The following HDAC9 variants were observed in gnomAD, a reference collection of about 807,000 sequenced individuals.
HDAC9 encodes MEF-2 interacting transcription repressor (MITR) protein.
A neutral mutation model predicts 139.4 loss-of-function variants in HDAC9; 41 were observed. The ratio of observed to expected loss-of-function variants is 0.29; its 90% confidence interval spans 0.23 to 0.38. The LOEUF (loss-of-function observed/expected upper bound fraction) is 0.38, where lower values mean the gene tolerates loss of function less well. Among genes scored for constraint, HDAC9 ranks in the 10% least tolerant of loss-of-function variants. The probability of loss-of-function intolerance (pLI) is 1.00; values close to 1 mark genes in which losing one functional copy is unlikely to be tolerated. For synonymous variants in HDAC9, 517 were observed against 476.2 expected (o/e 1.09, Z -1.12); for missense variants, 1,147 against 1,297.0 (o/e 0.88, Z 1.78).
chr7:18,410,993 G>A (rs892710018), intron 1 of HDAC9, among the ~76,000 whole-genome samples: 1 of 152,296 alleles, frequency 6.6e-6, no homozygotes, highest in East Asian at 1.9e-4. Context: ...TCAAAGCCTA[G>A]TTTTGGAAAT....
intron 22 of HDAC9, among the ~76,000 whole-genome samples, chr7:18,931,279 C>T (rs182048500): frequency 1.1e-3 from 168 of 152,156 alleles, no homozygotes; most frequent in Middle Eastern, 0.01. Flanking sequence ...GAATGTTTAT[C>T]ATTCTTTTTA....
intron 4 of HDAC9, 86 bp from the exon 5 acceptor site, chr7:18,591,430 C>G: frequency 6.9e-7 from 1 of 1,448,964 alleles, no homozygotes; most frequent in Non-Finnish European, 9.1e-7. Flanking sequence ...ATTCTAGAGG[C>G]ATGAGAGGAC....
intron 1 of HDAC9, among the ~76,000 whole-genome samples, chr7:18,439,865 G>A (rs113162020): frequency 0.012 from 1,836 of 152,088 alleles, 39 homozygotes; most frequent in African/African-American, 0.042. Flanking sequence ...AATGTAAAAT[G>A]TATTTCTATT....
intron 21 of HDAC9, among the ~76,000 whole-genome samples, chr7:18,860,509 T>C (rs1798026212): frequency 6.6e-6 from 1 of 152,208 alleles, no homozygotes; most frequent in Non-Finnish European, 1.5e-5. Flanking sequence ...TCTTTAAATA[T>C]ACTTTCTTCC....
chr7:18,335,704 T>G (rs547239670), intron 1 of HDAC9, among the ~76,000 whole-genome samples: 3 of 151,710 alleles, frequency 2.0e-5, no homozygotes, highest in Middle Eastern at 3.4e-3. Flanking sequence ...GTTTAGAATC[T>G]CTTTCTCATA....
At chr7:18,456,279 C>G (rs1793337830) in intron 1 of HDAC9, among the ~76,000 whole-genome samples, 1 of 152,066 alleles carries the variant, frequency 6.6e-6, no homozygotes, top group Non-Finnish European at 1.5e-5. Context: ...CTCTGTTGCC[C>G]AGGCTGGAGT....
chr7:18,224,857 A>T (rs144685994), intron 2 of HDAC9, among the ~76,000 whole-genome samples: 161 of 152,294 alleles, frequency 1.1e-3, no homozygotes, highest in African/African-American at 3.4e-3. Flanking sequence ...GTAAATAAGA[A>T]CATGAAGAAC....
chr7:18,652,810 TAATC>T (rs1449447170), intron 11 of HDAC9, among the ~76,000 whole-genome samples: 1 of 152,184 alleles, frequency 6.6e-6, no homozygotes, highest in East Asian at 1.9e-4. Context: ...AATGAATTAT[TAATC>T]TATGTATGGA....
rs370769278 is a variant in HDAC9, at chr7:18,647,781, A to G, written c.1036-4A>G. 1.1e-4 allele frequency: 179 copies of G among 1,602,166 alleles called. 1 individual carries two copies. The highest frequency in any genetic ancestry group is 3.1e-4 in the Admixed American group (18 of 58,330). On this transcript the variant is annotated splice_polypyrimidine_tract_variant and splice_region_variant and intron_variant, in intron 9 of 25. Transcript: ENST00000686413. ...ATTAACATCTTTGTTATTTCTCAAC[A>G]CAGGCTTCGAATTCACTCAAAGAAA... is the stretch of plus-strand genomic sequence containing the variant.
At chr7:18,689,590 A>G (rs1352909379) in intron 12 of HDAC9, among the ~76,000 whole-genome samples, 2 of 151,956 alleles carry the variant, frequency 1.3e-5, no homozygotes, top group Non-Finnish European at 2.9e-5. Flanking sequence ...ACTAAAGGTA[A>G]AGTTTTGTTG....
intron 1 of HDAC9, among the ~76,000 whole-genome samples, chr7:18,093,500 T>C (rs1269098417): frequency 2.0e-5 from 3 of 152,156 alleles, no homozygotes; most frequent in Non-Finnish European, 4.4e-5. Flanking sequence ...TATCATGCCT[T>C]CTTTTATTTT....
chr7:18,573,832 C>G (rs911287284), intron 2 of HDAC9, among the ~76,000 whole-genome samples: 2 of 152,150 alleles, frequency 1.3e-5, no homozygotes, highest in Non-Finnish European at 2.9e-5. Flanking sequence ...CACTGAACCC[C>G]AAAGAGAGTG....
At chr7:18,714,506 C>T (rs187864827) in intron 12 of HDAC9, among the ~76,000 whole-genome samples, 1 of 152,252 alleles carries the variant, frequency 6.6e-6, no homozygotes, top group Admixed American at 6.5e-5. Context: ...TGGAGTCTTA[C>T]GAATAAGGGC....
rs191492015 is a variant in HDAC9 at position 18,622,891 on chromosome 7, C to G, written c.665-6459C>G. ...GGGTACAGTGGCTCACATCTGTAATCCCAGCACTTTGGGAGGCCAAGGCAA... is the reference window on the plus strand; with the variant it reads ...GGGTACAGTGGCTCACATCTGTAATGCCAGCACTTTGGGAGGCCAAGGCAA... On this transcript the variant is annotated intron_variant, in intron 6 of 25. Transcript: ENST00000686413. 2.0e-3 allele frequency among the ~76,000 whole-genome samples: 305 copies of G among 151,664 alleles called. 2 individuals are homozygous for G. Among genetic ancestry groups the G allele is most frequent in the Non-Finnish European group, 3.4e-3 (230 of 67,904 alleles).
intron 1 of HDAC9, among the ~76,000 whole-genome samples, chr7:18,330,192 A>G (rs1000760726): frequency 1.3e-5 from 2 of 151,744 alleles, no homozygotes; most frequent in Admixed American, 6.6e-5. Context: ...TCAAAACTAA[A>G]TGAAACCCAG....
intron 1 of HDAC9, among the ~76,000 whole-genome samples, chr7:18,453,801 T>G (rs1793103185): frequency 6.6e-6 from 1 of 152,184 alleles, no homozygotes; most frequent in African/African-American, 2.4e-5. Flanking sequence ...ATTATCAATA[T>G]TTATAAATAT....
chr7:18,213,211 T>C (rs1031062747), intron 2 of HDAC9, among the ~76,000 whole-genome samples: 9 of 152,224 alleles, frequency 5.9e-5, no homozygotes, highest in South Asian at 2.1e-4. Flanking sequence ...AACAGAGTAC[T>C]GTTCAAAAGT....
In HDAC9 at chr7:18,232,955, C is replaced by T. The variant is rs542318973; in HGVS notation, c.25+70606C>T. Among the ~76,000 whole-genome samples, 8 of 152,210 alleles carry T rather than the reference C, an allele frequency of 5.3e-5. No individual in the cohort carries two copies. The South Asian group carries it at 8.3e-4, about 16-fold the overall frequency. On this transcript the variant is annotated intron_variant, in intron 2 of 12. Coordinates refer to the HDAC9 transcript ENST00000417496. Reference sequence around the variant, plus strand: ...CATAGGTTCATAATAAACAGTTTTGCGTGCTGTACTCTTCTCTCAGATATC... The same window carrying T: ...CATAGGTTCATAATAAACAGTTTTGTGTGCTGTACTCTTCTCTCAGATATC...
At chr7:18,544,516 A>G (rs754058812) in intron 2 of HDAC9, among the ~76,000 whole-genome samples, 20 of 152,210 alleles carry the variant, frequency 1.3e-4, no homozygotes, top group African/African-American at 4.1e-4. Flanking sequence ...TCATCCTCAT[A>G]TAGATAGTAC....
Sources: allele counts gnomAD v4.1 joint callset (sites outside exome capture counted in the v4.1 genomes callset), GRCh38; gene constraint gnomAD v4.1.1; transcripts MANE v1.5; gene names NCBI Gene and HGNC (gene_info 2026-07-23, HGNC 2026-07-21).